INPP5J: variants seen among roughly 807,000 people sequenced by gnomAD.
The protein encoded by INPP5J is phosphatidylinositol 4,5-bisphosphate 5-phosphatase A.
Under a neutral mutation model 86.6 loss-of-function variants are expected in INPP5J, and 75 were observed. The ratio of observed to expected loss-of-function variants is 0.87; its 90% CI spans 0.72 to 1.05. The LOEUF is 1.05. Ranked by LOEUF, INPP5J falls within the 50% of genes least tolerant of loss-of-function variation. INPP5J has a pLI of 0.00. For synonymous variants in INPP5J, 540 were observed against 550.0 expected, an observed-to-expected ratio of 0.98 and a Z score of 0.25; for missense variants, 1,229 against 1,341.2, an observed-to-expected ratio of 0.92 and a Z score of 1.31.
At chr22:31,127,275 A>C in intron 5 of INPP5J, 82 bp from the exon 6 acceptor site, 1 of 1,326,050 alleles carries the variant, frequency 7.5e-7, no homozygotes, top group Non-Finnish European at 1.0e-6. Flanking sequence ...TTCCACCCAC[A>C]TCTCCTCTCT....
chr22:31,131,550 G>A (rs937054431), intron 9 of INPP5J, among the ~76,000 whole-genome samples: 3 of 150,370 alleles, frequency 2.0e-5, no homozygotes, highest in Admixed American at 6.6e-5. Context: ...GCTACAGAGC[G>A]AGACTCTGTC....
In INPP5J at chr22:31,132,196, T is replaced by C. The variant is rs191517253; in HGVS notation, c.2194-902T>C. 1.9e-4 allele frequency among the ~76,000 whole-genome samples: 29 copies of C among 152,268 alleles called. No individual in the cohort carries two copies. The East Asian group carries it at 5.0e-3, about 26-fold the overall frequency. ...GGTTAGAGCCTGCCCTGGGGTAACA[T>C]AGCGAGTTAGCAGTAGAGCCTGGAA... On this transcript the variant is annotated intron_variant, in intron 9 of 12. Coordinates refer to ENST00000331075, the MANE Select transcript of INPP5J (RefSeq NM_001284285.2).
At chr22:31,132,662 C>A (rs895235578) in intron 9 of INPP5J, among the ~76,000 whole-genome samples, 5 of 151,922 alleles carry the variant, frequency 3.3e-5, no homozygotes, top group Non-Finnish European at 7.4e-5. Flanking sequence ...TCACTTGAAC[C>A]CGGGAGGTGG....
intron 9 of INPP5J, among the ~76,000 whole-genome samples, chr22:31,130,050 A>G (rs1921928533): frequency 1.3e-5 from 2 of 152,002 alleles, no homozygotes; most frequent in East Asian, 1.9e-4. Flanking sequence ...TTTAAAAAAA[A>G]TCAAAAAAAG....
At chr22:31,129,049 C>T (rs1311048585) in intron 9 of INPP5J, among the ~76,000 whole-genome samples, 1 of 149,160 alleles carries the variant, frequency 6.7e-6, no homozygotes, top group East Asian at 2.0e-4. Flanking sequence ...TCTCCTGCCT[C>T]AGCCTCCTGA....
intron 5 of INPP5J, 59 bp downstream of exon 5, chr22:31,127,096 C>T: frequency 2.5e-6 from 3 of 1,205,256 alleles, no homozygotes; most frequent in Non-Finnish European, 3.6e-6. Context: ...TAGATTAGTC[C>T]CCCCGCCCCA....
At chr22:31,132,980 G>A (rs1457539994) in intron 9 of INPP5J, 118 bp from the exon 10 acceptor site, 2 of 1,334,830 alleles carry the variant, frequency 1.5e-6, no homozygotes. Context: ...CAGTTTCCCA[G>A]TCTGTAAAGT....
At chr22:31,127,902 G>C in intron 6 of INPP5J, 49 bp from the exon 7 acceptor site, 1 of 1,097,256 alleles carries the variant, frequency 9.1e-7, no homozygotes, top group Non-Finnish European at 1.4e-6. Flanking sequence ...TGGACCTGTT[G>C]ACACCCCCCA....
chr22:31,126,288 A>G, intron 2 of INPP5J, 88 bp from the exon 3 acceptor site: 1 of 1,158,132 alleles, frequency 8.6e-7, no homozygotes, highest in Admixed American at 1.9e-5. Context: ...ACCTGCCTCC[A>G]TTTAGTTCCC....
rs1404725276 is a variant in INPP5J, at chr22:31,125,819, C to T, written c.1080C>T (p.Pro360=). ...RSPSHSPNRS[P]CVPPAPDMAL... The stretch of plus-strand genomic sequence containing the variant: ...CAAGCCACTCCCCGAATCGCTCTCC[C>T]TGTGTTCCCCCAGCCCCTGACATGG... Residue 360 remains proline (P), a synonymous_variant, in exon 2 of 13, where the codon CCC becomes CCT. Transcript: ENST00000331075. 2.5e-6 allele frequency: 4 copies of T among 1,602,820 alleles called. No homozygotes were observed. The highest frequency in any genetic ancestry group is 2.7e-5 in the African/African-American group (2 of 74,548).
chr22:31,127,030 G>A lies in INPP5J; in HGVS notation c.1604G>A (p.Gly535Asp), dbSNP rs1483928584. 1 of 1,593,110 alleles carries A rather than the reference G, an allele frequency of 6.3e-7. No homozygotes were observed. The highest frequency in any genetic ancestry group is 1.1e-5 in the South Asian group (1 of 88,294). Reference protein sequence around the residue: ...QTDCTRTGLGGYWGNKGGVSV... With the variant: ...QTDCTRTGLGDYWGNKGGVSV... ...GACTGCACGCGCACTGGCCTGGGCG[G>A]CTACTGGGTGAGCCTGTGAGCAGGC... Residue 535 changes from glycine to aspartate, a missense_variant, in exon 5 of 13, where the codon GGC becomes GAC. Coordinates refer to ENST00000331075, the MANE Select transcript of INPP5J (RefSeq NM_001284285.2).
chr22:31,132,248 G>A (rs932346703), intron 9 of INPP5J, among the ~76,000 whole-genome samples: 4 of 152,182 alleles, frequency 2.6e-5, no homozygotes, highest in Non-Finnish European at 5.9e-5. Flanking sequence ...ATCCTCCCAC[G>A]CAGAGCTCTT....
intron 8 of INPP5J, 62 bp downstream of exon 8, chr22:31,128,385 CTT>C: frequency 2.5e-6 from 4 of 1,570,268 alleles, no homozygotes; most frequent in Non-Finnish European, 3.5e-6. Context: ...AACAGGGAGA[CTT>C]TGGGAAGAGG....
intron 11 of INPP5J, 27 bp from the exon 12 acceptor site, chr22:31,133,583 T>G (rs1401849120): frequency 6.2e-7 from 1 of 1,601,066 alleles, no homozygotes; most frequent in African/African-American, 1.3e-5. Flanking sequence ...GACCCCCAAC[T>G]TAGGCTTATA....
chr22:31,126,530 G>C, intron 3 of INPP5J, 41 bp downstream of exon 3: 1 of 1,601,444 alleles, frequency 6.2e-7, no homozygotes, highest in South Asian at 1.1e-5. Flanking sequence ...TGAGCCCCTC[G>C]GGCCTTCCGG....
At position 31,126,437 on chromosome 22, in the gene INPP5J, C is replaced by T. The variant is rs780968789; in HGVS notation, c.1333C>T (p.Leu445Phe). 4 of 1,613,862 alleles carry T rather than the reference C, an allele frequency of 2.5e-6. No individual in the cohort carries two copies. The highest frequency in any genetic ancestry group is 1.1e-5 in the South Asian group (1 of 91,082). ...AMPPDDVTSL[L>F]HLGGGDDSDG... is the part of the protein sequence containing the mutation. ...GCCCCCAGACGATGTCACATCCCTC[C>T]TCCACCTGGGCGGTGGTGACGACAG... Residue 445 changes from leucine (L) to phenylalanine (F), a missense_variant, in exon 3 of 13, where the codon CTC (leucine) becomes TTC (phenylalanine). Physicochemically the swap from Leu to Phe is conservative, Grantham distance 22. Transcript: ENST00000331075.
Position 31,127,448 on chromosome 22 carries a change from C to T in INPP5J, c.1703C>T (p.Ala568Val), listed in dbSNP as rs778517282. The change falls in exon 6 of 13, where the codon GCG becomes GTG. Residue 568 changes from alanine (A) to valine (V), a missense_variant. Coordinates refer to ENST00000331075, the MANE Select transcript of INPP5J (RefSeq NM_001284285.2). Reference protein sequence around the residue: ...NCHLPAHMDKAEQRKDNFQTI... With the variant: ...NCHLPAHMDKVEQRKDNFQTI... ...CACTTGCCTGCGCATATGGACAAGG[C>T]GGAGCAGCGCAAAGACAACTTCCAG... 1.9e-6 allele frequency: 3 copies of T among 1,613,802 alleles called. No individual in the cohort carries two copies. The highest frequency in any genetic ancestry group is 1.7e-6 in the Non-Finnish European group (2 of 1,179,824).
intron 9 of INPP5J, among the ~76,000 whole-genome samples, chr22:31,131,603 C>T (rs1277512858): frequency 6.6e-6 from 1 of 152,128 alleles, no homozygotes; most frequent in East Asian, 1.9e-4. Context: ...CTACTACATG[C>T]CAGGCCTGTG....
Position 31,126,644 on chromosome 22 carries a change from C to A in INPP5J, c.1417C>A (p.Arg473=). Residue 473 remains arginine, a synonymous_variant, in exon 4 of 13, where the codon CGA becomes AGA. Transcript: ENST00000331075. The part of the protein sequence containing the change: ...LQEVNSMLNK[R]LKDALFTDQW... ...GGAAGTGAACTCCATGCTCAACAAG[C>A]GACTCAAGGACGCCCTCTTCACGGA... The A allele has an allele frequency of 1.2e-6, 2 of 1,613,926 alleles. No individual in the cohort carries two copies. The highest frequency in any genetic ancestry group is 2.2e-5 in the South Asian group (2 of 91,084).
Sources: gnomAD v4.1 joint callset for allele counts (sites outside exome capture counted in the v4.1 genomes callset) on GRCh38, gnomAD v4.1.1 for gene constraint, MANE v1.5 for transcripts, NCBI Gene and HGNC (gene_info 2026-07-23, HGNC 2026-07-21) for gene names.